The following MTR variants were observed in gnomAD, a reference collection of about 807,000 sequenced individuals.
The protein encoded by MTR is 5-methyltetrahydrofolate-homocysteine methyltransferase.
Under a neutral mutation model 154.8 loss-of-function variants are expected in MTR, and 84 were observed. The ratio of observed to expected loss-of-function variants is 0.54; its 90% CI spans 0.45 to 0.65. The LOEUF is 0.65. Ranked by LOEUF, MTR falls within the 30% of genes least tolerant of loss-of-function variation. The pLI is 0.00. For synonymous variants in MTR, 554 were observed against 553.9 expected (o/e 1.00, Z 0.00); for missense variants, 1,275 against 1,570.2 (o/e 0.81, Z 3.18).
intron 32 of MTR, among the ~76,000 whole-genome samples, 192 bp downstream of exon 32, chr1:236,897,310 GCACACA>G (rs57786802): frequency 7.9e-4 from 102 of 128,680 alleles, no homozygotes; most frequent in African/African-American, 1.0e-3. Flanking sequence ...CCACACACAC[GCACACA>G]CACACACACA....
At chr1:236,866,107 A>G (rs1664807863) in intron 22 of MTR, among the ~76,000 whole-genome samples, 1 of 152,128 alleles carries the variant, frequency 6.6e-6, no homozygotes, top group Non-Finnish European at 1.5e-5. Flanking sequence ...ACCTTGTTTT[A>G]TTGTACCTCA....
At chr1:236,802,926 A>T (rs1243786660) in intron 1 of MTR, among the ~76,000 whole-genome samples, 1 of 152,180 alleles carries the variant, frequency 6.6e-6, no homozygotes, top group Non-Finnish European at 1.5e-5. Flanking sequence ...GGTGTTAGCC[A>T]GTTATTATTT....
chr1:236,852,463 G>A (rs1663964536), intron 16 of MTR, 58 bp from the exon 17 acceptor site: 18 of 1,216,876 alleles, frequency 1.5e-5, no homozygotes, highest in African/African-American at 4.5e-5. Flanking sequence ...CTTAAGAGAT[G>A]TGATTGCTGT....
chr1:236,808,841 C>T, intron 4 of MTR, 68 bp downstream of exon 4: 2 of 1,451,256 alleles, frequency 1.4e-6, no homozygotes, highest in Non-Finnish European at 1.9e-6. Context: ...AATGTGCTGT[C>T]CTTATTGCAG....
At position 236,901,108 on chromosome 1, in the gene MTR, A is replaced by G. The variant is rs61400757; in HGVS notation, c.*3464A>G. On this transcript the variant is annotated 3_prime_UTR_variant, in exon 33 of 33. Coordinates refer to ENST00000366577, the MANE Select transcript of MTR (RefSeq NM_000254.3). The stretch of plus-strand genomic sequence containing the variant: ...CAGGGGAGCAGCTGTGGGTTGGAGG[A>G]AGCCAGGAGGGAGAGTGCAATGCCG... 8,332 of 153,290 alleles carry G rather than the reference A, an allele frequency of 0.054. 413 individuals carry two copies. The highest frequency in any genetic ancestry group is 0.13 in the African/African-American group (5,405 of 41,494). The allele number at this position is 153,290 out of a possible 1,614,324, so 9.5% of individuals were successfully genotyped here.
rs759130222 is a variant in MTR, at chr1:236,859,911, G to T, written c.2032G>T (p.Ala678Ser). The T allele has an allele frequency of 2.5e-6, 4 of 1,613,742 alleles. No homozygotes were observed. The Admixed American group carries it at 6.7e-5, about 27-fold the overall frequency. Residue 678 changes from alanine (A) to serine (S), a missense_variant, in exon 19 of 33, where the codon GCC becomes TCC. Ala to Ser is a moderately conservative substitution (Grantham distance 99). Transcript: ENST00000366577. ...NGPVEERLEYALVKGIEKHII... is the reference protein window; with the variant it reads ...NGPVEERLEYSLVKGIEKHII... ...CCCTGTCGAAGAACGCCTTGAGTAT[G>T]CCCTTGTGAAGGTAAGTTACAGGGG... is the stretch of plus-strand genomic sequence containing the variant.
At position 236,897,645 on chromosome 1, in the gene MTR, C is replaced by CTT. The variant is rs67705775; in HGVS notation, c.*15_*16dup. ...CATTTTGGGATATGATACAGACTAACTTTTTTTTTTTTTTTGCCTTTTTTA... is the reference window on the plus strand; with the variant it reads ...CATTTTGGGATATGATACAGACTAACTTTTTTTTTTTTTTTTTGCCTTTTTTA... On this transcript the variant is annotated 3_prime_UTR_variant, in exon 33 of 33. Transcript: ENST00000366577. The CTT allele has an allele frequency of 3.3e-4, 495 of 1,502,532 alleles. No homozygotes were observed. The highest frequency in any genetic ancestry group is 3.9e-4 in the African/African-American group (27 of 69,684). 93.1% of individuals were successfully genotyped at this position (1,502,532 alleles called of 1,614,324 possible). A position where few individuals can be genotyped will look rare whatever the true frequency, so the allele number is the denominator to read the frequency against.
chr1:236,852,494 C>G, intron 16 of MTR, 27 bp from the exon 17 acceptor site: 1 of 1,561,978 alleles, frequency 6.4e-7, no homozygotes, highest in Non-Finnish European at 8.8e-7. Flanking sequence ...AAAGGGGAAT[C>G]TTTTCATATT....
chr1:236,889,042 CT>C, intron 27 of MTR, 138 bp from the exon 28 acceptor site: 3 of 1,029,150 alleles, frequency 2.9e-6, no homozygotes, highest in Non-Finnish European at 3.0e-6. Context: ...TAAAGTTCCC[CT>C]CTTTGTAAAA....
chr1:236,808,601 C>A, intron 3 of MTR, 103 bp from the exon 4 acceptor site: 1 of 1,137,476 alleles, frequency 8.8e-7, no homozygotes, highest in Non-Finnish European at 1.3e-6. Context: ...ATTCACTCTA[C>A]ATTTTGTTAC....
chr1:236,884,090 A>G (rs1020904943), intron 25 of MTR, among the ~76,000 whole-genome samples: 1 of 152,222 alleles, frequency 6.6e-6, no homozygotes. Context: ...CTACTTTTAC[A>G]ATTTAATGAG....
intron 2 of MTR, among the ~76,000 whole-genome samples, chr1:236,804,066 A>C (rs1032772490): frequency 6.6e-6 from 1 of 152,204 alleles, no homozygotes; most frequent in Non-Finnish European, 1.5e-5. Context: ...CAGTTCTGGA[A>C]GCTGGAAGTC....
chr1:236,897,310 G>GCGCGCGCGCACGCGCGCGCGCACACACA, intron 32 of MTR, among the ~76,000 whole-genome samples, 192 bp downstream of exon 32: 38 of 128,680 alleles, frequency 3.0e-4, no homozygotes, highest in South Asian at 8.2e-4. Flanking sequence ...CCACACACAC[G>GCGCGCGCGCACGCGCGCGCGCACACACA]CACACACACA....
chr1:236,815,756 AT>A, intron 7 of MTR, 93 bp downstream of exon 7: 2 of 1,249,668 alleles, frequency 1.6e-6, no homozygotes, highest in Non-Finnish European at 2.3e-6. Context: ...AGAACTATTA[AT>A]GGTATCTTTA....
chr1:236,878,209 A>T (rs1229276550), intron 24 of MTR, among the ~76,000 whole-genome samples: 1 of 152,174 alleles, frequency 6.6e-6, no homozygotes, highest in Non-Finnish European at 1.5e-5. Context: ...GTCTCTTCAT[A>T]TATGGTTAAT....
intron 13 of MTR, among the ~76,000 whole-genome samples, chr1:236,832,597 G>C (rs1662676772): frequency 1.3e-5 from 2 of 152,200 alleles, no homozygotes; most frequent in South Asian, 4.1e-4. Flanking sequence ...CAGTCACTCT[G>C]TGGATGAGCA....
rs141686413 is a variant in MTR at position 236,900,531 on chromosome 1, C to G, written c.*2887C>G. 5.4e-3 allele frequency: 834 copies of G among 153,548 alleles called. 8 individuals carry two copies. The highest frequency in any genetic ancestry group is 0.047 in the Middle Eastern group (14 of 300). 9.5% of individuals were successfully genotyped at this position (153,548 alleles called of 1,614,324 possible). ...AGTTATGCAGCTGTTCTGGTTCCTCCTGGTAGGCTTACAAGTGTTTACTAT... is the reference window on the plus strand; with the variant it reads ...AGTTATGCAGCTGTTCTGGTTCCTCGTGGTAGGCTTACAAGTGTTTACTAT... On this transcript the variant is annotated 3_prime_UTR_variant, in exon 33 of 33. Coordinates refer to ENST00000366577, the MANE Select transcript of MTR (RefSeq NM_000254.3).
At chr1:236,836,697 C>T in intron 14 of MTR, among the ~76,000 whole-genome samples, 1 of 152,146 alleles carries the variant, frequency 6.6e-6, no homozygotes, top group East Asian at 1.9e-4. Context: ...GTCCATCTTT[C>T]ATTTGTGTCT....
chr1:236,838,566 T>TA lies in MTR; in HGVS notation c.1483dup (p.Met495AsnfsTer7). 1 of 1,614,162 alleles carries TA rather than the reference T, an allele frequency of 6.2e-7. No individual in the cohort carries two copies. Among genetic ancestry groups the TA allele is most frequent in the African/African-American group, 1.3e-5 (1 of 75,046 alleles). On this transcript the variant is annotated frameshift_variant, in exon 15 of 33. Transcript: ENST00000366577. LOFTEE classifies it high-confidence loss of function. ...GGAAGATTAAAAAGTATGGAGCTGC[T>TA]ATGGTGGTCATGGCTTTTGATGAAG...
Sources: allele counts gnomAD v4.1 joint callset (sites outside exome capture counted in the v4.1 genomes callset), GRCh38; gene constraint gnomAD v4.1.1; transcripts MANE v1.5; gene names NCBI Gene and HGNC (gene_info 2026-07-23, HGNC 2026-07-21).